The following MARCHF6 variants were observed in gnomAD, a reference collection of about 807,000 sequenced individuals.
The protein encoded by MARCHF6 is membrane associated ring-CH-type finger 6.
MARCHF6 carries 31 observed loss-of-function variants against 133.7 expected under a neutral mutation model. The observed-to-expected ratio is 0.23, with a 90% CI of 0.17 to 0.31. MARCHF6 has a LOEUF of 0.31. Among genes scored for constraint, MARCHF6 ranks in the 10% least tolerant of loss-of-function variants. The probability of loss-of-function intolerance (pLI) is 1.00; values close to 1 mark genes in which losing one functional copy is unlikely to be tolerated. For missense variants in MARCHF6, 723 were observed against 1,121.6 expected (o/e 0.64, Z 5.08); for synonymous variants, 395 against 402.5 (o/e 0.98, Z 0.22).
chr5:10,363,864 A>T (rs1735970631), intron 1 of MARCHF6, among the ~76,000 whole-genome samples: 5 of 152,312 alleles, frequency 3.3e-5, no homozygotes, highest in Admixed American at 2.6e-4. Context: ...AAAAGAACAT[A>T]TTTTCTATGA....
intron 1 of MARCHF6, among the ~76,000 whole-genome samples, chr5:10,373,466 G>T (rs534599719): frequency 3.3e-5 from 5 of 152,244 alleles, no homozygotes; most frequent in African/African-American, 4.8e-5. Context: ...CTCAGGCCAC[G>T]CAGGGCTAGG....
intron 19 of MARCHF6, among the ~76,000 whole-genome samples, chr5:10,412,192 C>T (rs1739267917): frequency 6.6e-6 from 1 of 152,178 alleles, no homozygotes; most frequent in African/African-American, 2.4e-5. Flanking sequence ...TTGTAGATTA[C>T]TGTGGGTCAC....
chr5:10,379,895 A>G (rs1396367404), intron 3 of MARCHF6, among the ~76,000 whole-genome samples: 1 of 152,118 alleles, frequency 6.6e-6, no homozygotes, highest in Non-Finnish European at 1.5e-5. Context: ...CTTGAGCCAC[A>G]TTGCTTGGCC....
rs141064484 is a variant in MARCHF6, at chr5:10,366,214, C to T, written c.20-11584C>T. On this transcript the variant is annotated intron_variant, in intron 1 of 25. Transcript: ENST00000274140. ...CTGGGATTACAGGCATGAGCCACTG[C>T]GCCCAGCCTTGTATTTGCTATTTTT... Among the ~76,000 whole-genome samples, 15 of 152,260 alleles carry T rather than the reference C, an allele frequency of 9.9e-5. No individual in the cohort carries two copies. The East Asian group carries it at 1.3e-3, about 14-fold the overall frequency.
intron 1 of MARCHF6, 52 bp downstream of exon 1, chr5:10,353,969 T>C: frequency 2.6e-6 from 4 of 1,517,880 alleles, no homozygotes; most frequent in Non-Finnish European, 3.5e-6. Context: ...CCCGGGTTCG[T>C]ACCCCGGCCA....
chr5:10,370,472 AT>A (rs1449115342), intron 1 of MARCHF6, among the ~76,000 whole-genome samples: 1 of 152,136 alleles, frequency 6.6e-6, no homozygotes, highest in Non-Finnish European at 1.5e-5. Flanking sequence ...TATTTTAACT[AT>A]TTTTAAGTAT....
chr5:10,415,926 A>C (rs1739476797), intron 21 of MARCHF6, among the ~76,000 whole-genome samples: 1 of 152,246 alleles, frequency 6.6e-6, no homozygotes, highest in Non-Finnish European at 1.5e-5. Flanking sequence ...TAATCCCAGT[A>C]CTATGGGAAG....
intron 19 of MARCHF6, among the ~76,000 whole-genome samples, chr5:10,412,585 T>C (rs1362014260): frequency 6.6e-6 from 1 of 152,152 alleles, no homozygotes; most frequent in Non-Finnish European, 1.5e-5. Flanking sequence ...TGTGTTGTTT[T>C]GTTTTTGAGA....
intron 24 of MARCHF6, among the ~76,000 whole-genome samples, chr5:10,428,232 T>C (rs968495338): frequency 5.1e-4 from 77 of 152,200 alleles, no homozygotes; most frequent in African/African-American, 1.6e-3. Flanking sequence ...AAGGCTTTTA[T>C]TTGGTTTGAA....
intron 10 of MARCHF6, 46 bp downstream of exon 10, chr5:10,397,390 A>C: frequency 7.0e-7 from 1 of 1,427,540 alleles, no homozygotes; most frequent in Non-Finnish European, 9.6e-7. Context: ...TATGGTAGGA[A>C]TTTAGTTTTG....
chr5:10,360,144 GTTTTTTTTTT>G (rs1164778520), intron 1 of MARCHF6, among the ~76,000 whole-genome samples: 4 of 75,096 alleles, frequency 5.3e-5, no homozygotes, highest in Non-Finnish European at 7.2e-5. Flanking sequence ...ATGTGTGTGT[GTTTTTTTTTT>G]TTTTTTTTTT....
At chr5:10,402,715 T>C in intron 14 of MARCHF6, 108 bp downstream of exon 14, 2 of 1,022,366 alleles carry the variant, frequency 2.0e-6, no homozygotes, top group Non-Finnish European at 3.0e-6. Flanking sequence ...GATAATTTGC[T>C]TATTCTTTTG....
At chr5:10,425,467 T>C (rs1004603281) in intron 23 of MARCHF6, among the ~76,000 whole-genome samples, 2 of 152,254 alleles carry the variant, frequency 1.3e-5, no homozygotes, top group Admixed American at 1.3e-4. Flanking sequence ...CTCTTGCGTA[T>C]GTGCGTGTGT....
chr5:10,411,354 G>T lies in MARCHF6; in HGVS notation c.1713G>T (p.Leu571Phe). Residue 571 changes from leucine to phenylalanine, a missense_variant, in exon 19 of 26, where the codon TTG becomes TTT. Leu to Phe is a conservative substitution (Grantham distance 22). Transcript: ENST00000274140. The part of the protein sequence containing the change: ...GYLLDLHSYL[L>F]GDQEENENSA... ...ACAGGGATCTTCATTCTTATTTATT[G>T]GGAGACCAGGAAGAAAATGAAAACA... 6.2e-7 allele frequency: 1 copy of T among 1,614,012 alleles called. No homozygotes were observed. The highest frequency in any genetic ancestry group is 1.1e-5 in the South Asian group (1 of 91,068).
chr5:10,417,717 C>CAAAAAA (rs748194332), intron 22 of MARCHF6, among the ~76,000 whole-genome samples: 3 of 52,508 alleles, frequency 5.7e-5, no homozygotes, highest in Non-Finnish European at 1.1e-4. Flanking sequence ...AGCCTCTGTC[C>CAAAAAA]AAAAAAAAAA....
In MARCHF6 at chr5:10,381,880, C is replaced by T; in HGVS notation, c.271C>T (p.Arg91Ter). ...GGTTACAAGTATTGGCACTGCAATA[C>T]GATATTGGTTTCATTATACACTTGT... ...GLVTSIGTAI[R>*]YWFHYTLVAF... The change falls in exon 4 of 26, where the codon CGA (arginine) becomes TGA (stop). Residue 91 changes from arginine to a stop codon, truncating the protein, a stop_gained. Transcript: ENST00000274140. LOFTEE classifies it high-confidence loss of function. 1.2e-6 allele frequency: 2 copies of T among 1,612,898 alleles called. No homozygotes were observed. The highest frequency in any genetic ancestry group is 1.7e-6 in the Non-Finnish European group (2 of 1,179,254).
intron 1 of MARCHF6, chr5:10,354,794 A>G (rs1011387741): frequency 1.4e-4 from 21 of 152,078 alleles, no homozygotes; most frequent in African/African-American, 5.1e-4. Flanking sequence ...CTTTAGGTAT[A>G]TTTATGGGGG....
At chr5:10,402,330 A>G in intron 12 of MARCHF6, 54 bp from the exon 13 acceptor site, 3 of 1,447,310 alleles carry the variant, frequency 2.1e-6, no homozygotes, top group Non-Finnish European at 2.9e-6. Context: ...CTAAGTAGTT[A>G]CCTGTTTCAT....
chr5:10,429,797 C>A, intron 24 of MARCHF6, 96 bp from the exon 25 acceptor site: 2 of 992,862 alleles, frequency 2.0e-6, no homozygotes, highest in Admixed American at 2.1e-5. Context: ...GAAAGCTTGT[C>A]TGCCCCAGTC....
Sources: allele counts gnomAD v4.1 joint callset (sites outside exome capture counted in the v4.1 genomes callset), GRCh38; gene constraint gnomAD v4.1.1; transcripts MANE v1.5; gene names NCBI Gene and HGNC (gene_info 2026-07-23, HGNC 2026-07-21).